Variants in TSPAN12 observed in about 807,000 individuals in gnomAD.
The protein encoded by TSPAN12 is tetraspanin 12.
TSPAN12 carries 19 observed loss-of-function variants against 39.2 expected under a neutral mutation model. The observed-to-expected ratio is 0.49, with a 90% CI of 0.34 to 0.71. TSPAN12 has a LOEUF of 0.71. Among genes scored for constraint, TSPAN12 ranks in the 30% least tolerant of loss-of-function variants. TSPAN12 has a pLI of 0.01. For missense variants in TSPAN12, 314 were observed against 359.9 expected (o/e 0.87, Z 1.03); for synonymous variants, 119 against 124.8 (o/e 0.95, Z 0.31).
chr7:120,819,329 C>T (rs974988754), intron 4 of TSPAN12, among the ~76,000 whole-genome samples: 22 of 152,002 alleles, frequency 1.4e-4, no homozygotes, highest in Admixed American at 5.3e-4. Flanking sequence ...CATTTTCTGC[C>T]TCCTGAAGTC....
At chr7:120,833,076 T>C (rs575093056) in intron 4 of TSPAN12, among the ~76,000 whole-genome samples, 1 of 152,228 alleles carries the variant, frequency 6.6e-6, no homozygotes, top group African/African-American at 2.4e-5. Context: ...GATTCTACTT[T>C]TCCTCATTTG....
intron 5 of TSPAN12, chr7:120,814,346 C>T: frequency 2.3e-6 from 1 of 443,774 alleles, no homozygotes; most frequent in South Asian, 1.6e-5. Context: ...TGCAAATGCC[C>T]AGTCCTTGCC....
chr7:120,796,406 C>G (rs1270328524), intron 7 of TSPAN12, among the ~76,000 whole-genome samples: 1 of 152,180 alleles, frequency 6.6e-6, no homozygotes, highest in Non-Finnish European at 1.5e-5. Flanking sequence ...AAAATCTAAT[C>G]ATAGATCAAT....
intron 2 of TSPAN12, among the ~76,000 whole-genome samples, chr7:120,847,115 AT>A (rs1253847328): frequency 3.3e-5 from 5 of 152,078 alleles, no homozygotes; most frequent in Admixed American, 6.5e-5. Flanking sequence ...TCAGCTAGGA[AT>A]TCCAGCTCTA....
At chr7:120,791,439 G>A (rs1442499403) in intron 7 of TSPAN12, among the ~76,000 whole-genome samples, 1 of 152,150 alleles carries the variant, frequency 6.6e-6, no homozygotes, top group Non-Finnish European at 1.5e-5. Flanking sequence ...TAATAACAAT[G>A]TATTAGTTAT....
chr7:120,824,220 C>T (rs1050724541), intron 4 of TSPAN12, among the ~76,000 whole-genome samples: 1 of 148,614 alleles, frequency 6.7e-6, no homozygotes, highest in Non-Finnish European at 1.5e-5. Context: ...ATCACAAGGT[C>T]AAGAGATCAA....
chr7:120,790,634 A>T (rs186774714), intron 7 of TSPAN12, among the ~76,000 whole-genome samples: 1 of 152,364 alleles, frequency 6.6e-6, no homozygotes, highest in East Asian at 1.9e-4. Context: ...ACTTCTGCAC[A>T]GAGCAAGGTG....
intron 4 of TSPAN12, among the ~76,000 whole-genome samples, chr7:120,836,588 T>C (rs1050516521): frequency 7.9e-5 from 12 of 152,158 alleles, no homozygotes; most frequent in African/African-American, 2.4e-4. Flanking sequence ...CTGGCCTCAA[T>C]AGCACCCAGT....
At chr7:120,800,738 C>A in intron 7 of TSPAN12, among the ~76,000 whole-genome samples, 1 of 138,810 alleles carries the variant, frequency 7.2e-6, no homozygotes, top group Non-Finnish European at 1.5e-5. Context: ...TAAAGTTTTC[C>A]TTATCGTTTT....
At chr7:120,857,194 G>C (rs989552399) in intron 1 of TSPAN12, 8 of 336,856 alleles carry the variant, frequency 2.4e-5, no homozygotes, top group South Asian at 2.5e-5. Context: ...AGCTGTGCTC[G>C]GCACTGTCCT....
intron 4 of TSPAN12, among the ~76,000 whole-genome samples, chr7:120,838,079 C>A (rs1394019918): frequency 6.6e-6 from 1 of 152,174 alleles, no homozygotes; most frequent in East Asian, 1.9e-4. Context: ...TATATGTCTG[C>A]AACTATATGT....
rs1793429942 is a variant in TSPAN12, at chr7:120,787,408, C to T, written c.*1184G>A. ...AAAATACACAAAATACAGTAAAATGCACTTTTCCCATTTCAAATAAATATA... is the reference window on the plus strand; with the variant it reads ...AAAATACACAAAATACAGTAAAATGTACTTTTCCCATTTCAAATAAATATA... On this transcript the variant is annotated 3_prime_UTR_variant, in exon 8 of 8. Transcript: ENST00000222747. The T allele has an allele frequency of 6.6e-6, 1 of 152,468 alleles. No homozygotes were observed. Among genetic ancestry groups the T allele is most frequent in the South Asian group, 2.1e-4 (1 of 4,824 alleles). The allele number at this position is 152,468 out of a possible 1,614,324, so 9.4% of individuals were successfully genotyped here. A position where few individuals can be genotyped will look rare whatever the true frequency, so the allele number is the denominator to read the frequency against.
chr7:120,846,210 A>G (rs1053595781), intron 2 of TSPAN12, among the ~76,000 whole-genome samples: 1 of 152,130 alleles, frequency 6.6e-6, no homozygotes, highest in Non-Finnish European at 1.5e-5. Flanking sequence ...TGATCCAGTC[A>G]CCTCACACCA....
chr7:120,856,246 C>A (rs1218385264), intron 2 of TSPAN12, among the ~76,000 whole-genome samples: 1 of 152,072 alleles, frequency 6.6e-6, no homozygotes, highest in African/African-American at 2.4e-5. Context: ...GGTGTGAATT[C>A]CACCACCACC....
chr7:120,857,105 G>A (rs1424913121), intron 1 of TSPAN12: 2 of 402,546 alleles, frequency 5.0e-6, no homozygotes, highest in African/African-American at 2.1e-5. Flanking sequence ...GCGTTCTCAG[G>A]GGACACGCGG....
intron 4 of TSPAN12, among the ~76,000 whole-genome samples, chr7:120,834,186 A>G (rs1054470208): frequency 6.6e-6 from 1 of 152,194 alleles, no homozygotes; most frequent in East Asian, 1.9e-4. Flanking sequence ...TTAAATTTAA[A>G]TTTCAATGAA....
At position 120,838,921 on chromosome 7, in the gene TSPAN12, A is replaced by T; in HGVS notation, c.150-9T>A. Reference sequence around the variant, plus strand: ...TGACTGCTTCCTCTACCCTGAAAGAAGAAAAATAATGTATTAGAAAGAAAA... The same window carrying T: ...TGACTGCTTCCTCTACCCTGAAAGATGAAAAATAATGTATTAGAAAGAAAA... On this transcript the variant is annotated splice_polypyrimidine_tract_variant and intron_variant, in intron 3 of 7. Coordinates refer to ENST00000222747, the MANE Select transcript of TSPAN12 (RefSeq NM_012338.4). 3 of 1,613,804 alleles carry T rather than the reference A, an allele frequency of 1.9e-6. No individual in the cohort carries two copies. Among genetic ancestry groups the T allele is most frequent in the Non-Finnish European group, 2.5e-6 (3 of 1,179,816 alleles).
chr7:120,799,786 T>G (rs1044732837), intron 7 of TSPAN12, among the ~76,000 whole-genome samples: 1 of 135,744 alleles, frequency 7.4e-6, no homozygotes, highest in Non-Finnish European at 1.5e-5. Flanking sequence ...AAATTATATA[T>G]AATAAATATA....
intron 2 of TSPAN12, among the ~76,000 whole-genome samples, chr7:120,855,960 A>AT (rs761202603): frequency 1.6e-4 from 25 of 152,350 alleles, no homozygotes; most frequent in South Asian, 2.1e-4. Flanking sequence ...AAATTGTTAC[A>AT]TTTTCCTAAG....
Sources: allele counts gnomAD v4.1 joint callset (sites outside exome capture counted in the v4.1 genomes callset), GRCh38; gene constraint gnomAD v4.1.1; transcripts MANE v1.5; gene names NCBI Gene and HGNC (gene_info 2026-07-23, HGNC 2026-07-21).